Variants in DOCK2 observed in about 807,000 individuals in gnomAD.
The protein encoded by DOCK2 is dedicator of cytokinesis protein 2.
Under a neutral mutation model 248.9 loss-of-function variants are expected in DOCK2, and 87 were observed. That is an observed-to-expected ratio of 0.35 (90% confidence interval 0.29 to 0.42). The LOEUF (loss-of-function observed/expected upper bound fraction) is 0.42. DOCK2 is among the 10% of genes least tolerant of loss of function. The probability of loss-of-function intolerance (pLI) is 1.00; values close to 1 mark genes in which losing one functional copy is unlikely to be tolerated. For synonymous variants in DOCK2, 805 were observed against 821.6 expected (o/e 0.98, Z 0.35); for missense variants, 1,747 against 2,300.2 (o/e 0.76, Z 4.92).
At chr5:169,840,419 C>T (rs1378455984) in intron 26 of DOCK2, among the ~76,000 whole-genome samples, 1 of 152,154 alleles carries the variant, frequency 6.6e-6, no homozygotes, top group Non-Finnish European at 1.5e-5. Flanking sequence ...CAGATCCAAA[C>T]CATATAATAA....
chr5:169,938,457 G>A (rs971925820), intron 27 of DOCK2, among the ~76,000 whole-genome samples: 2 of 152,122 alleles, frequency 1.3e-5, no homozygotes, highest in African/African-American at 4.8e-5. Context: ...TGTATAGCAT[G>A]TTACTCTCCC....
At chr5:169,767,096 A>G (rs1338608303) in intron 25 of DOCK2, among the ~76,000 whole-genome samples, 3 of 152,212 alleles carry the variant, frequency 2.0e-5, no homozygotes, top group South Asian at 2.1e-4. Context: ...GAGTGGCGAG[A>G]GATGGTATCT....
At chr5:170,042,777 C>G (rs1308619626) in intron 38 of DOCK2, among the ~76,000 whole-genome samples, 1 of 152,224 alleles carries the variant, frequency 6.6e-6, no homozygotes, top group East Asian at 1.9e-4. Context: ...CTTCAAAGCA[C>G]TTGTTCCTAT....
chr5:169,661,794 T>C (rs1275270038), intron 2 of DOCK2, among the ~76,000 whole-genome samples: 4 of 152,248 alleles, frequency 2.6e-5, no homozygotes, highest in Non-Finnish European at 4.4e-5. Flanking sequence ...CAAGATCTCC[T>C]CCTTTTTAAA....
chr5:170,063,428 G>T (rs1757397337), intron 44 of DOCK2, among the ~76,000 whole-genome samples: 1 of 152,168 alleles, frequency 6.6e-6, no homozygotes, highest in Non-Finnish European at 1.5e-5. Context: ...TCCCCTTGGA[G>T]CAGTGCAGAA....
intron 43 of DOCK2, 152 bp downstream of exon 43, chr5:170,056,920 C>G: frequency 1.5e-6 from 1 of 669,178 alleles, no homozygotes; most frequent in Non-Finnish European, 2.6e-6. Context: ...GTTCCCCAAT[C>G]TCTTCCATTA....
At chr5:169,925,845 T>G (rs2113665894) in intron 27 of DOCK2, among the ~76,000 whole-genome samples, 1 of 152,284 alleles carries the variant, frequency 6.6e-6, no homozygotes, top group Middle Eastern at 3.4e-3. Context: ...TTTCTGGAAT[T>G]TAACAATTTC....
chr5:169,945,968 GGCTCCAGCCCTGGT>G, intron 27 of DOCK2, among the ~76,000 whole-genome samples: 1 of 152,290 alleles, frequency 6.6e-6, no homozygotes, highest in East Asian at 1.9e-4. Context: ...AGGCCAGGCA[GGCTCCAGCCCTGGT>G]GCAACACCCC....
intron 35 of DOCK2, among the ~76,000 whole-genome samples, chr5:170,035,702 G>A (rs1219952332): frequency 6.6e-6 from 1 of 152,184 alleles, no homozygotes; most frequent in Admixed American, 6.5e-5. Context: ...TGTCAAGGAG[G>A]AGGGTGGGGA....
At chr5:169,862,547 T>G (rs1038426428) in intron 27 of DOCK2, among the ~76,000 whole-genome samples, 3 of 152,236 alleles carry the variant, frequency 2.0e-5, no homozygotes, top group Non-Finnish European at 2.9e-5. Flanking sequence ...GTAGCATATC[T>G]TATTGAAATG....
intron 1 of DOCK2, among the ~76,000 whole-genome samples, chr5:169,641,384 A>T (rs755552074): frequency 2.0e-5 from 3 of 152,178 alleles, no homozygotes; most frequent in Non-Finnish European, 4.4e-5. Context: ...TGGTTCAGGG[A>T]TGTGGGTGAT....
intron 28 of DOCK2, among the ~76,000 whole-genome samples, chr5:169,983,450 TTATGTCATAGGGC>T: frequency 6.6e-6 from 1 of 152,156 alleles, no homozygotes; most frequent in Non-Finnish European, 1.5e-5. Context: ...ATAATGTCAT[TTATGTCATAGGGC>T]TAAGAAGGGG....
chr5:169,887,269 G>A (rs1200060423), intron 27 of DOCK2, among the ~76,000 whole-genome samples: 1 of 152,086 alleles, frequency 6.6e-6, no homozygotes, highest in African/African-American at 2.4e-5. Context: ...GTATCCTTTA[G>A]ATGTTTTCTT....
chr5:169,708,355 T>A, intron 15 of DOCK2, 88 bp downstream of exon 15: 1 of 1,273,202 alleles, frequency 7.9e-7, no homozygotes, highest in Non-Finnish European at 1.1e-6. Flanking sequence ...ATAATTTATG[T>A]ATTGCTTACA....
rs567719862 is a variant in DOCK2, at chr5:169,682,844, T to C, written c.606+965T>C. On this transcript the variant is annotated intron_variant, in intron 7 of 51. Coordinates refer to ENST00000520908, the MANE Select transcript of DOCK2 (RefSeq NM_004946.3). ...GCCCCGTGCAACCCCTAATTTCCTGTCACTGTAGATTTGCCTTTTCTAGAG... is the reference window on the plus strand; with the variant it reads ...GCCCCGTGCAACCCCTAATTTCCTGCCACTGTAGATTTGCCTTTTCTAGAG... Among the ~76,000 whole-genome samples the C allele has an allele frequency of 1.2e-4, 19 of 152,342 alleles. No homozygotes were observed. The South Asian group carries it at 3.9e-3, about 32-fold the overall frequency.
In DOCK2 at chr5:170,061,536, G is replaced by A. The variant is rs555243282; in HGVS notation, c.4467+3870G>A. Among the ~76,000 whole-genome samples the A allele has an allele frequency of 5.3e-5, 8 of 152,278 alleles. No individual in the cohort carries two copies. In the East Asian group the frequency reaches 1.4e-3, roughly 26 times the overall value. On this transcript the variant is annotated intron_variant, in intron 44 of 51. Transcript: ENST00000520908. ...TTTTATTCCTGTTATTAGCTAAACCGTGGGTTTAACTTCTGAAATCTAGGC... is the reference window on the plus strand; with the variant it reads ...TTTTATTCCTGTTATTAGCTAAACCATGGGTTTAACTTCTGAAATCTAGGC...
In DOCK2 at chr5:170,067,594, A is replaced by G; in HGVS notation, c.4552A>G (p.Ser1518Gly). The change falls in exon 45 of 52, where the codon AGT (serine) becomes GGT (glycine). Residue 1518 changes from serine to glycine, a missense_variant. This residue lies in a region of DOCK2 where 513 missense variants were observed against 586.1 expected (regional missense o/e 0.88). Transcript: ENST00000520908. ...KILMMINQYQ[S>G]DETLPINPLS... ...CCTGATGATGATAAACCAGTACCAG[A>G]GTGATGAGACCCTCCCCATCAACCC... 4 of 1,614,154 alleles carry G rather than the reference A, an allele frequency of 2.5e-6. No homozygotes were observed. The highest frequency in any genetic ancestry group is 3.4e-6 in the Non-Finnish European group (4 of 1,180,002).
intron 25 of DOCK2, chr5:169,772,819 C>G (rs1489838276): frequency 6.6e-6 from 1 of 152,188 alleles, no homozygotes. Context: ...AGCATCCTGC[C>G]TCAGCTGGGG....
At chr5:169,895,809 T>C (rs1773563929) in intron 27 of DOCK2, among the ~76,000 whole-genome samples, 1 of 152,220 alleles carries the variant, frequency 6.6e-6, no homozygotes, top group South Asian at 2.1e-4. Context: ...TTTCCTCATT[T>C]GAAAATGAAA....
Sources: gnomAD v4.1 joint callset for allele counts (sites outside exome capture counted in the v4.1 genomes callset) on GRCh38, gnomAD v4.1.1 for gene constraint, gnomAD v4.1.1 regional missense constraint, MANE v1.5 for transcripts, NCBI Gene and HGNC (gene_info 2026-07-23, HGNC 2026-07-21) for gene names.